The following UBE2H variants were observed in gnomAD, a reference collection of about 807,000 sequenced individuals.
UBE2H encodes the protein ubiquitin-conjugating enzyme E2 H.
UBE2H carries 3 observed loss-of-function variants against 29.0 expected under a neutral mutation model. The ratio of observed to expected loss-of-function variants is 0.10; its 90% CI spans 0.05 to 0.27. UBE2H has a LOEUF of 0.27. Ranked by LOEUF, UBE2H falls within the 10% of genes least tolerant of loss-of-function variation. The probability of loss-of-function intolerance (pLI) is 1.00; values close to 1 mark genes in which losing one functional copy is unlikely to be tolerated. For missense variants in UBE2H, 68 were observed against 228.2 expected, an observed-to-expected ratio of 0.30 and a Z score of 4.52; for synonymous variants, 69 against 82.9, an observed-to-expected ratio of 0.83 and a Z score of 0.91.
At position 129,952,905 on chromosome 7, in the gene UBE2H, T is replaced by C; in HGVS notation, c.-350A>G. ...ACCCTCTGACCGGCTCCTAGCAGCCTCCACTATAAGCGGACGACTCCTGCT... is the reference window on the plus strand; with the variant it reads ...ACCCTCTGACCGGCTCCTAGCAGCCCCCACTATAAGCGGACGACTCCTGCT... On this transcript the variant is annotated 5_prime_UTR_variant, in exon 1 of 7. Transcript: ENST00000355621. The C allele has an allele frequency of 5.5e-6, 1 of 181,374 alleles. No individual in the cohort carries two copies. Among genetic ancestry groups the C allele is most frequent in the Admixed American group, 6.3e-5 (1 of 15,982 alleles). 11.2% of individuals were successfully genotyped at this position (181,374 alleles called of 1,614,324 possible).
At chr7:129,850,739 C>G (rs1452542058) in intron 5 of UBE2H, among the ~76,000 whole-genome samples, 2 of 151,658 alleles carry the variant, frequency 1.3e-5, no homozygotes, top group African/African-American at 4.8e-5. Flanking sequence ...TGCTTGAACC[C>G]AGGTGGCAGA....
chr7:129,926,227 C>T (rs867109817), intron 1 of UBE2H, among the ~76,000 whole-genome samples: 1 of 152,064 alleles, frequency 6.6e-6, no homozygotes, highest in Non-Finnish European at 1.5e-5. Context: ...CTCCTGGCCT[C>T]GGCCCGGCAC....
chr7:129,841,461 T>C (rs779858644), intron 5 of UBE2H, among the ~76,000 whole-genome samples: 5 of 152,196 alleles, frequency 3.3e-5, no homozygotes, highest in African/African-American at 7.2e-5. Flanking sequence ...CCTAAACCAA[T>C]AGCCACTAGC....
chr7:129,922,513 G>C (rs1043056140), intron 1 of UBE2H, among the ~76,000 whole-genome samples: 1 of 152,094 alleles, frequency 6.6e-6, no homozygotes, highest in South Asian at 2.1e-4. Flanking sequence ...CTGACCTCAA[G>C]TGATCCACCC....
chr7:129,883,401 G>T (rs888970181), intron 1 of UBE2H, among the ~76,000 whole-genome samples: 1 of 152,162 alleles, frequency 6.6e-6, no homozygotes, highest in Non-Finnish European at 1.5e-5. Flanking sequence ...AATACATATG[G>T]ATAGTTACAT....
chr7:129,879,484 C>A (rs1247702761), intron 3 of UBE2H, 84 bp downstream of exon 3: 5 of 1,275,708 alleles, frequency 3.9e-6, no homozygotes, highest in Non-Finnish European at 3.3e-6. Flanking sequence ...CCATTTCTGG[C>A]ATTAATTACC....
intron 5 of UBE2H, among the ~76,000 whole-genome samples, chr7:129,844,929 CACCAGCCTG>C (rs1268572521): frequency 6.6e-6 from 1 of 152,146 alleles, no homozygotes; most frequent in Non-Finnish European, 1.5e-5. Context: ...AGGAGTTTCA[CACCAGCCTG>C]GCCAACGTGG....
intron 1 of UBE2H, among the ~76,000 whole-genome samples, chr7:129,914,175 T>A (rs998428634): frequency 6.6e-6 from 1 of 152,080 alleles, no homozygotes; most frequent in African/African-American, 2.4e-5. Flanking sequence ...AAATCAATTT[T>A]TTTTTTTTTT....
In UBE2H at chr7:129,846,346, A is replaced by AAATGAT. The variant is rs1220393749; in HGVS notation, c.299-7012_299-7011insATCATT. Among the ~76,000 whole-genome samples the AAATGAT allele has an allele frequency of 2.0e-5, 3 of 146,392 alleles. No individual in the cohort carries two copies. The East Asian group carries it at 6.1e-4, about 30-fold the overall frequency. On this transcript the variant is annotated intron_variant, in intron 5 of 6. Transcript: ENST00000355621. ...AACATAGGGAGATCCGGTCTCTACA[A>AAATGAT]AATAATAATAATAATAATAATAATA...
intron 3 of UBE2H, 138 bp from the exon 4 acceptor site, chr7:129,859,079 A>T: frequency 1.5e-6 from 1 of 662,790 alleles, no homozygotes; most frequent in East Asian, 2.8e-5. Context: ...ATCTTTCATT[A>T]CTGATAAACA....
chr7:129,843,914 G>T (rs552015492), intron 5 of UBE2H, among the ~76,000 whole-genome samples: 1 of 152,334 alleles, frequency 6.6e-6, no homozygotes, highest in South Asian at 2.1e-4. Flanking sequence ...GTAATGTTCA[G>T]AAGTGCTTCA....
intron 5 of UBE2H, among the ~76,000 whole-genome samples, chr7:129,847,156 C>T (rs1377608232): frequency 1.3e-5 from 2 of 152,124 alleles, no homozygotes; most frequent in Non-Finnish European, 1.5e-5. Flanking sequence ...AAGCAATTCT[C>T]CTGCTTCAAG....
intron 5 of UBE2H, among the ~76,000 whole-genome samples, chr7:129,848,339 C>A (rs1336464272): frequency 6.6e-6 from 1 of 152,236 alleles, no homozygotes; most frequent in African/African-American, 2.4e-5. Context: ...CTTCTTTCAT[C>A]ATCCCTCTCC....
rs1805255570 is a variant in UBE2H, at chr7:129,832,842, CT to C, written c.*2094del. On this transcript the variant is annotated 3_prime_UTR_variant, in exon 7 of 7. Transcript: ENST00000355621. ...TTTGAACTCAAATCACCACCCAGCA[CT>C]TTAAGCCTACCCTAAATAGCACCTA... is the stretch of plus-strand genomic sequence containing the variant. 1 of 152,264 alleles carries C rather than the reference CT, an allele frequency of 6.6e-6. No individual in the cohort carries two copies. Among genetic ancestry groups the C allele is most frequent in the East Asian group, 1.9e-4 (1 of 5,186 alleles). 9.4% of individuals were successfully genotyped at this position (152,264 alleles called of 1,614,324 possible). A position where few individuals can be genotyped will look rare whatever the true frequency, so the allele number is the denominator to read the frequency against.
intron 5 of UBE2H, 120 bp from the exon 6 acceptor site, chr7:129,839,455 G>T: frequency 7.4e-7 from 1 of 1,352,980 alleles, no homozygotes; most frequent in Non-Finnish European, 1.0e-6. Context: ...TTCTCCATAC[G>T]AGTGTGCTCT....
chr7:129,868,582 G>T (rs1452152859), intron 3 of UBE2H, among the ~76,000 whole-genome samples: 1 of 60,994 alleles, frequency 1.6e-5, no homozygotes, highest in East Asian at 3.8e-4. Context: ...GCGAGACTCC[G>T]TCTCAAAAAA....
At position 129,916,869 on chromosome 7, in the gene UBE2H, C is replaced by T. The variant is rs544089638; in HGVS notation, c.53+35634G>A. 4.6e-5 allele frequency among the ~76,000 whole-genome samples: 7 copies of T among 152,224 alleles called. No homozygotes were observed. The South Asian group carries it at 6.2e-4, about 14-fold the overall frequency. On this transcript the variant is annotated intron_variant, in intron 1 of 6. Transcript: ENST00000355621. ...TGGCTAACACGGTGAAACCCCATCTCTACCAAAAATACAAAAAATTAGCCA... is the reference window on the plus strand; with the variant it reads ...TGGCTAACACGGTGAAACCCCATCTTTACCAAAAATACAAAAAATTAGCCA...
intron 1 of UBE2H, among the ~76,000 whole-genome samples, chr7:129,921,566 G>GA (rs1322952414): frequency 6.6e-6 from 1 of 151,904 alleles, no homozygotes; most frequent in Non-Finnish European, 1.5e-5. Context: ...AGGCATGGTG[G>GA]CACACGTCTG....
At chr7:129,930,725 G>A (rs146082874) in intron 1 of UBE2H, among the ~76,000 whole-genome samples, 4,247 of 148,686 alleles carry the variant, frequency 0.029, 96 homozygotes, top group Non-Finnish European at 0.043. Flanking sequence ...TGGCTAACAC[G>A]GTGAAACCCC....
Sources: allele counts gnomAD v4.1 joint callset (sites outside exome capture counted in the v4.1 genomes callset), GRCh38; gene constraint gnomAD v4.1.1; transcripts MANE v1.5; gene names NCBI Gene and HGNC (gene_info 2026-07-23, HGNC 2026-07-21).